Variants in CRLF2 observed in about 807,000 individuals in gnomAD.
CRLF2 encodes the protein cytokine receptor-like factor 2.
A neutral mutation model predicts 38.7 loss-of-function variants in CRLF2; 41 were observed. The ratio of observed to expected loss-of-function variants is 1.06; its 90% CI spans 0.83 to 1.37. The LOEUF (loss-of-function observed/expected upper bound fraction) is 1.37, where lower values mean the gene tolerates loss of function less well. CRLF2 is among the 40% of genes most tolerant of loss of function. The pLI, the probability that CRLF2 is intolerant of heterozygous loss-of-function variation, is 0.00. For synonymous variants in CRLF2, 140 were observed against 128.8 expected, an observed-to-expected ratio of 1.09 and a Z score of -0.59; for missense variants, 377 against 322.2, an observed-to-expected ratio of 1.17 and a Z score of -1.30.
Position 1,196,761 on chromosome X carries a change from C to A in CRLF2, c.767+19G>T. On this transcript the variant is annotated intron_variant, in intron 6 of 7. Transcript: ENST00000400841. Reference sequence around the variant, plus strand: ...GCAAGCAGGTCCCTCCACCCACGGGCGGCAGGAGTCATCCTTACCTCCATA... The same window carrying A: ...GCAAGCAGGTCCCTCCACCCACGGGAGGCAGGAGTCATCCTTACCTCCATA... The A allele has an allele frequency of 6.2e-7, 1 of 1,611,872 alleles. No homozygotes were observed. The highest frequency in any genetic ancestry group is 8.5e-7 in the Non-Finnish European group (1 of 1,178,960).
chrX:1,206,457 C>T lies in CRLF2; in HGVS notation c.325G>A (p.Ala109Thr), dbSNP rs1369029586. 2 of 1,613,464 alleles carry T rather than the reference C, an allele frequency of 1.2e-6. No individual in the cohort carries two copies. The highest frequency in any genetic ancestry group is 1.7e-5 in the Admixed American group (1 of 59,966). Residue 109 changes from alanine (A) to threonine (T), a missense_variant, in exon 3 of 8, where the codon GCA becomes ACA. Ala to Thr is a moderately conservative substitution (Grantham distance 58). Transcript: ENST00000400841. ...IRNGTHPVFT[A>T]SRWMVYYLKP... is the part of the protein sequence containing the mutation. The stretch of plus-strand genomic sequence containing the variant: ...CGGTAATAAACCATCCAGCGACTTG[C>T]GGTGAAAACGGGGTGCGTCCCATTC...
intron 6 of CRLF2, 148 bp from the exon 7 acceptor site, chrX:1,193,450 C>A (rs1193589286): frequency 2.5e-6 from 1 of 395,244 alleles, no homozygotes; most frequent in Non-Finnish European, 4.5e-6. Context: ...TCCTCCCGCT[C>A]CCCAGGGACC....
At chrX:1,206,005 G>A (rs1257413609) in intron 3 of CRLF2, among the ~76,000 whole-genome samples, 1 of 151,778 alleles carries the variant, frequency 6.6e-6, no homozygotes, top group Non-Finnish European at 1.5e-5. Flanking sequence ...GCTTTTCAGT[G>A]GTTACGGTAA....
chrX:1,195,502 G>A (rs1296286584), intron 6 of CRLF2, among the ~76,000 whole-genome samples: 1 of 151,756 alleles, frequency 6.6e-6, no homozygotes, highest in African/African-American at 2.4e-5. Context: ...TAAACTCCCA[G>A]GCTCAAGCCG....
At chrX:1,198,954 G>A (rs147602941) in intron 4 of CRLF2, 11,997 of 573,314 alleles carry the variant, frequency 0.021, 324 homozygotes, top group Admixed American at 0.047. Context: ...TTCGAGACCA[G>A]CCTGGCCAAC....
At chrX:1,200,039 G>T (rs761786707) in intron 4 of CRLF2, among the ~76,000 whole-genome samples, 1 of 144,290 alleles carries the variant, frequency 6.9e-6, no homozygotes, top group South Asian at 2.4e-4. Context: ...ATATATGTGT[G>T]TGTATATATG....
rs1330569326 is a variant in CRLF2, at chrX:1,206,302, G to A, written c.349+131C>T. The stretch of plus-strand genomic sequence containing the variant: ...GCTGCAGGAAGTACTGAAAGGCATG[G>A]TGAGCTTGCTTCTCAATAGTTAACG... On this transcript the variant is annotated intron_variant, in intron 3 of 7. Transcript: ENST00000400841. The A allele has an allele frequency of 5.0e-6, 4 of 792,810 alleles. No individual in the cohort carries two copies. The East Asian group carries it at 7.4e-5, about 15-fold the overall frequency. The allele number at this position is 792,810 out of a possible 1,614,324, so 49.1% of individuals were successfully genotyped here.
At chrX:1,197,704 C>T (rs1266683725) in intron 5 of CRLF2, among the ~76,000 whole-genome samples, 4 of 151,788 alleles carry the variant, frequency 2.6e-5, no homozygotes, top group African/African-American at 9.7e-5. Context: ...GTCCCAGCTA[C>T]TTGGGAGGCT....
chrX:1,193,155 A>T (rs2086422881), intron 7 of CRLF2, 63 bp downstream of exon 7: 1 of 398,136 alleles, frequency 2.5e-6, no homozygotes, highest in African/African-American at 2.1e-5. Context: ...GAGAGATAGG[A>T]ATGCAGGCAG....
chrX:1,191,333 C>CTT lies in CRLF2; in HGVS notation c.853-175_853-174dup, dbSNP rs1344619798. Among the ~76,000 whole-genome samples the CTT allele has an allele frequency of 7.4e-4, 85 of 115,386 alleles. 1 individual carries two copies. The highest frequency in any genetic ancestry group is 2.4e-3 in the African/African-American group (76 of 31,612). The allele number at this position is 115,386 out of a possible 152,430, so 75.7% of individuals were successfully genotyped here. On this transcript the variant is annotated intron_variant, in intron 7 of 7. Coordinates refer to ENST00000400841, the MANE Select transcript of CRLF2 (RefSeq NM_022148.4). ...TCTTTCTTTCTTTCTTTCTTTCTTT[C>CTT]TTTCTTTCTTTCCTTCTTTCTTTCT... is the stretch of plus-strand genomic sequence containing the variant.
At position 1,198,740 on chromosome X, in the gene CRLF2, C is replaced by CAA; in HGVS notation, c.484-17_484-16insTT. 1.3e-6 allele frequency: 1 copy of CAA among 768,904 alleles called. No individual in the cohort carries two copies. The highest frequency in any genetic ancestry group is 2.0e-6 in the Non-Finnish European group (1 of 493,222). 47.6% of individuals were successfully genotyped at this position (768,904 alleles called of 1,614,324 possible). A position where few individuals can be genotyped will look rare whatever the true frequency, so the allele number is the denominator to read the frequency against. The stretch of plus-strand genomic sequence containing the variant: ...CCTGTTTGGACTGGAGAAACATACA[C>CAA]ACACACACACACACACACACACACA... On this transcript the variant is annotated splice_polypyrimidine_tract_variant and intron_variant, in intron 4 of 7. Transcript: ENST00000400841.
At chrX:1,210,954 T>C (rs1200318361) in intron 1 of CRLF2, among the ~76,000 whole-genome samples, 1 of 151,456 alleles carries the variant, frequency 6.6e-6, no homozygotes. Context: ...GATGCATGGA[T>C]AGATGGATAC....
chrX:1,191,348 T>TCCTTCCTTCCTTC (rs1556415577), intron 7 of CRLF2, among the ~76,000 whole-genome samples, 188 bp from the exon 8 acceptor site: 1 of 122,756 alleles, frequency 8.1e-6, no homozygotes, highest in Admixed American at 9.1e-5. Context: ...TTTCTTTCCT[T>TCCTTCCTTCCTTC]CTTTCTTTCT....
intron 2 of CRLF2, among the ~76,000 whole-genome samples, chrX:1,208,299 C>T (rs1246071475): frequency 6.6e-6 from 1 of 152,026 alleles, no homozygotes; most frequent in African/African-American, 2.4e-5. Flanking sequence ...TGGCTCACGC[C>T]TGTCATCCCA....
At chrX:1,204,698 A>G (rs778108874) in intron 3 of CRLF2, among the ~76,000 whole-genome samples, 32 of 139,154 alleles carry the variant, frequency 2.3e-4, no homozygotes, top group Admixed American at 2.2e-3. Flanking sequence ...TTTTTTTTAA[A>G]TTATTTTTAA....
chrX:1,191,679 G>GCC (rs2086383460), intron 7 of CRLF2, among the ~76,000 whole-genome samples: 1 of 151,224 alleles, frequency 6.6e-6, no homozygotes, highest in African/African-American at 2.4e-5. Flanking sequence ...TTACAGACGT[G>GCC]CACCACCACA....
At chrX:1,205,417 A>C (rs1393980748) in intron 3 of CRLF2, among the ~76,000 whole-genome samples, 1 of 152,160 alleles carries the variant, frequency 6.6e-6, no homozygotes, top group Non-Finnish European at 1.5e-5. Context: ...GACTTGCGAG[A>C]GCTTGCTTTT....
At chrX:1,212,365 A>G (rs1293631748) in intron 1 of CRLF2, among the ~76,000 whole-genome samples, 191 bp downstream of exon 1, 1 of 144,720 alleles carries the variant, frequency 6.9e-6, no homozygotes, top group African/African-American at 2.6e-5. Flanking sequence ...ACTTATAAAT[A>G]TGTTTTGTCC....
In CRLF2 at chrX:1,191,617, C is replaced by T. The variant is rs1467843378; in HGVS notation, c.853-457G>A. Among the ~76,000 whole-genome samples, 150 of 151,628 alleles carry T rather than the reference C, an allele frequency of 9.9e-4. 1 individual carries two copies. Among genetic ancestry groups the T allele is most frequent in the Non-Finnish European group, 1.7e-3 (116 of 67,924 alleles). On this transcript the variant is annotated intron_variant, in intron 7 of 7. Transcript: ENST00000400841. ...CGTGATCTCGGCTGACTGCAGCCTCCGCCTACCCGGTTCAAGCGATTCTCC... is the reference window on the plus strand; with the variant it reads ...CGTGATCTCGGCTGACTGCAGCCTCTGCCTACCCGGTTCAAGCGATTCTCC...
Sources: allele counts gnomAD v4.1 joint callset (sites outside exome capture counted in the v4.1 genomes callset), GRCh38; gene constraint gnomAD v4.1.1; transcripts MANE v1.5; gene names NCBI Gene and HGNC (gene_info 2026-07-23, HGNC 2026-07-21).